AUTS2: variants seen among roughly 807,000 people sequenced by gnomAD.
AUTS2 encodes activator of transcription and developmental regulator AUTS2.
In AUTS2, 17 loss-of-function variants were observed where a neutral mutation model predicts 112.4. The ratio of observed to expected loss-of-function variants is 0.15; its 90% CI spans 0.10 to 0.23. The LOEUF (loss-of-function observed/expected upper bound fraction) is 0.23. Ranked by LOEUF, AUTS2 falls within the 10% of genes least tolerant of loss-of-function variation. AUTS2 has a pLI of 1.00. For synonymous variants in AUTS2, 751 were observed against 702.7 expected (o/e 1.07, Z -1.09); for missense variants, 1,510 against 1,701.6 (o/e 0.89, Z 1.98).
At chr7:69,877,466 C>T (rs1213683329) in intron 1 of AUTS2, among the ~76,000 whole-genome samples, 1 of 152,110 alleles carries the variant, frequency 6.6e-6, no homozygotes, top group Non-Finnish European at 1.5e-5. Flanking sequence ...TATTTATTTA[C>T]TTAAACTTTT....
At chr7:70,591,234 G>A (rs1044576823) in intron 5 of AUTS2, among the ~76,000 whole-genome samples, 9 of 149,786 alleles carry the variant, frequency 6.0e-5, no homozygotes, top group South Asian at 2.2e-4. Context: ...GACACCAGAC[G>A]TGGTGTGACA....
chr7:70,226,453 C>G (rs967730399), intron 4 of AUTS2, among the ~76,000 whole-genome samples: 1 of 151,250 alleles, frequency 6.6e-6, no homozygotes, highest in Non-Finnish European at 1.5e-5. Context: ...GATCCGCCCT[C>G]CTTGGCCTGC....
chr7:70,476,171 A>G (rs201830532), intron 5 of AUTS2, among the ~76,000 whole-genome samples: 1 of 152,214 alleles, frequency 6.6e-6, no homozygotes, highest in Non-Finnish European at 1.5e-5. Flanking sequence ...ACCCATCCCC[A>G]TAACAACTCT....
intron 9 of AUTS2, among the ~76,000 whole-genome samples, chr7:70,767,084 CCTGT>C (rs746429127): frequency 3.3e-5 from 5 of 152,082 alleles, no homozygotes; most frequent in East Asian, 1.9e-4. Context: ...CAGATAGAGT[CCTGT>C]CTAACAGTGA....
intron 4 of AUTS2, among the ~76,000 whole-genome samples, chr7:70,190,118 A>G (rs1423820614): frequency 6.6e-6 from 1 of 152,230 alleles, no homozygotes; most frequent in African/African-American, 2.4e-5. Flanking sequence ...GATCACAATA[A>G]GAAGAAATAT....
intron 5 of AUTS2, among the ~76,000 whole-genome samples, chr7:70,540,032 C>T (rs1800486516): frequency 6.6e-6 from 1 of 152,162 alleles, no homozygotes; most frequent in Admixed American, 6.6e-5. Flanking sequence ...TTTCTTTCTC[C>T]CTTTTTTTTC....
intron 2 of AUTS2, among the ~76,000 whole-genome samples, chr7:70,094,939 G>A (rs1181649258): frequency 6.6e-6 from 1 of 152,182 alleles, no homozygotes; most frequent in Non-Finnish European, 1.5e-5. Flanking sequence ...TAGGAAGCCA[G>A]TTGACAGTAT....
chr7:69,797,612 G>T (rs926576147), intron 1 of AUTS2, among the ~76,000 whole-genome samples: 1 of 152,198 alleles, frequency 6.6e-6, no homozygotes, highest in Admixed American at 6.5e-5. Context: ...CTGGGAATTT[G>T]TGGTGTTCCA....
intron 4 of AUTS2, among the ~76,000 whole-genome samples, chr7:70,288,902 C>T (rs1008456697): frequency 4.9e-4 from 75 of 152,146 alleles, no homozygotes; most frequent in African/African-American, 1.8e-3. Flanking sequence ...TTATACTAAG[C>T]GTAATACATC....
intron 5 of AUTS2, among the ~76,000 whole-genome samples, chr7:70,544,727 C>T (rs2129509523): frequency 6.6e-6 from 1 of 152,244 alleles, no homozygotes; most frequent in African/African-American, 2.4e-5. Flanking sequence ...AGAGATGGGG[C>T]TTCAGTGTGA....
At chr7:69,922,024 A>G (rs1326478053) in intron 2 of AUTS2, among the ~76,000 whole-genome samples, 1 of 152,176 alleles carries the variant, frequency 6.6e-6, no homozygotes, top group Non-Finnish European at 1.5e-5. Context: ...AGATCACGCC[A>G]TTGCACTCCA....
At chr7:70,497,305 T>A (rs1158897071) in intron 5 of AUTS2, among the ~76,000 whole-genome samples, 1 of 149,332 alleles carries the variant, frequency 6.7e-6, no homozygotes, top group Non-Finnish European at 1.5e-5. Context: ...CACATCAGCG[T>A]CGATCACACA....
At chr7:70,165,019 A>C (rs1241903491) in intron 4 of AUTS2, among the ~76,000 whole-genome samples, 6 of 152,184 alleles carry the variant, frequency 3.9e-5, no homozygotes, top group African/African-American at 1.4e-4. Flanking sequence ...AGAGTGATGG[A>C]ATCTGTAAGA....
intron 5 of AUTS2, among the ~76,000 whole-genome samples, chr7:70,522,117 C>G (rs893878984): frequency 6.6e-6 from 1 of 152,180 alleles, no homozygotes; most frequent in African/African-American, 2.4e-5. Context: ...GCGAGGACAA[C>G]TCAGTAGGTG....
At chr7:69,947,194 T>C (rs1796849012) in intron 2 of AUTS2, among the ~76,000 whole-genome samples, 1 of 152,166 alleles carries the variant, frequency 6.6e-6, no homozygotes, top group East Asian at 1.9e-4. Flanking sequence ...AACCTGAGCA[T>C]TGACACCAAT....
At chr7:70,325,407 C>T (rs902685023) in intron 4 of AUTS2, among the ~76,000 whole-genome samples, 1 of 152,016 alleles carries the variant, frequency 6.6e-6, no homozygotes, top group Non-Finnish European at 1.5e-5. Flanking sequence ...ATTTGAAACC[C>T]ACTCTCCTAA....
chr7:69,848,787 C>T (rs796651179), intron 1 of AUTS2, among the ~76,000 whole-genome samples: 7 of 152,282 alleles, frequency 4.6e-5, no homozygotes, highest in African/African-American at 1.4e-4. Flanking sequence ...ATACATCCAG[C>T]ACAACATTCA....
chr7:70,109,018 T>C (rs1451079347), intron 2 of AUTS2, among the ~76,000 whole-genome samples: 1 of 152,114 alleles, frequency 6.6e-6, no homozygotes, highest in Non-Finnish European at 1.5e-5. Context: ...ATCTTACATA[T>C]TTCCTTTCTC....
intron 1 of AUTS2, among the ~76,000 whole-genome samples, chr7:69,870,315 C>G (rs1793423840): frequency 6.6e-6 from 1 of 150,764 alleles, no homozygotes; most frequent in Admixed American, 6.6e-5. Flanking sequence ...TAAGTTAAAG[C>G]TAAAGTAGAT....
Sources: allele counts gnomAD v4.1 joint callset (sites outside exome capture counted in the v4.1 genomes callset), GRCh38; gene constraint gnomAD v4.1.1; transcripts MANE v1.5; gene names NCBI Gene and HGNC (gene_info 2026-07-23, HGNC 2026-07-21).